The following MGAM2 variants were observed in gnomAD, a reference collection of about 807,000 sequenced individuals.
The protein encoded by MGAM2 is probable maltase-glucoamylase 2.
Under a neutral mutation model 96.1 loss-of-function variants are expected in MGAM2, and 98 were observed. That is an observed-to-expected ratio of 1.02 (90% confidence interval 0.87 to 1.21). The LOEUF is 1.21. Ranked by LOEUF, MGAM2 falls within the 50% of genes most tolerant of loss-of-function variation. The probability of loss-of-function intolerance (pLI) is 0.00; values close to 1 mark genes in which losing one functional copy is unlikely to be tolerated. For synonymous variants in MGAM2, 749 were observed against 414.8 expected, an observed-to-expected ratio of 1.81 and a Z score of -9.79; for missense variants, 2,055 against 1,182.4, an observed-to-expected ratio of 1.74 and a Z score of -10.82.
chr7:142,171,630 AT>A (rs1430682075), intron 28 of MGAM2, among the ~76,000 whole-genome samples, 190 bp downstream of exon 28: 2 of 78,262 alleles, frequency 2.6e-5, no homozygotes, highest in African/African-American at 5.4e-5. Flanking sequence ...ATATATATAT[AT>A]ATATATATAT....
chr7:142,217,388 G>A (rs973594807), intron 46 of MGAM2, among the ~76,000 whole-genome samples: 1 of 152,094 alleles, frequency 6.6e-6, no homozygotes, highest in South Asian at 2.1e-4. Context: ...TGTCGCTTTG[G>A]ACTACTCACT....
intron 10 of MGAM2, among the ~76,000 whole-genome samples, chr7:142,140,232 C>A (rs1795181264): frequency 6.6e-6 from 1 of 152,130 alleles, no homozygotes; most frequent in Non-Finnish European, 1.5e-5. Flanking sequence ...CTGAACTCCC[C>A]TACATTTCAA....
chr7:142,209,499 T>C (rs918622263), intron 46 of MGAM2, among the ~76,000 whole-genome samples: 1 of 152,212 alleles, frequency 6.6e-6, no homozygotes, highest in East Asian at 1.9e-4. Context: ...TTAATTAGAG[T>C]ATGAGGAGAA....
intron 45 of MGAM2, among the ~76,000 whole-genome samples, chr7:142,208,026 G>T (rs1031512443): frequency 6.6e-6 from 1 of 152,106 alleles, no homozygotes; most frequent in African/African-American, 2.4e-5. Context: ...AGCACTTATT[G>T]TGCACAAGCC....
chr7:142,191,327 C>T (rs1452348132), intron 37 of MGAM2, among the ~76,000 whole-genome samples: 5 of 152,110 alleles, frequency 3.3e-5, no homozygotes, highest in Admixed American at 3.3e-4. Context: ...TCATTTGTCA[C>T]TTGTGCTTTT....
chr7:142,201,851 T>G (rs1449533568), intron 45 of MGAM2, among the ~76,000 whole-genome samples: 5 of 152,148 alleles, frequency 3.3e-5, no homozygotes, highest in African/African-American at 1.2e-4. Flanking sequence ...ATAACTTACA[T>G]TCAAATAATA....
intron 32 of MGAM2, among the ~76,000 whole-genome samples, chr7:142,176,970 CTTAT>C (rs1796398222): frequency 1.3e-5 from 2 of 152,020 alleles, no homozygotes; most frequent in Non-Finnish European, 2.9e-5. Context: ...TTTTTAACAT[CTTAT>C]TTATTTGTTT....
Position 142,178,946 on chromosome 7 carries a change from A to C in MGAM2, c.3816+3166A>C, listed in dbSNP as rs80122270. 3.2e-3 allele frequency among the ~76,000 whole-genome samples: 486 copies of C among 152,014 alleles called. 10 individuals are homozygous for C. The South Asian group carries it at 0.054, about 17-fold the overall frequency. On this transcript the variant is annotated intron_variant, in intron 32 of 47. Coordinates refer to ENST00000477922, the MANE Select transcript of MGAM2 (RefSeq NM_001293626.2). ...TTTGTGTCATCTCTGATTTCCTTCA[A>C]CAGTGTTTTGCACTTCTTGTAAAGT...
chr7:142,162,891 A>G (rs899437466), intron 23 of MGAM2, among the ~76,000 whole-genome samples: 2 of 151,898 alleles, frequency 1.3e-5, no homozygotes, highest in Non-Finnish European at 2.9e-5. Flanking sequence ...AGAATATTTC[A>G]TTAGCACAAA....
intron 45 of MGAM2, among the ~76,000 whole-genome samples, chr7:142,205,180 G>A (rs1394464893): frequency 6.6e-6 from 1 of 152,114 alleles, no homozygotes; most frequent in Non-Finnish European, 1.5e-5. Context: ...ATCATGACAA[G>A]TGCTTGGTAT....
chr7:142,134,544 C>T (rs964177971), intron 7 of MGAM2, among the ~76,000 whole-genome samples: 1 of 152,106 alleles, frequency 6.6e-6, no homozygotes, highest in Non-Finnish European at 1.5e-5. Context: ...CTTTTGACAG[C>T]TTTCATACTG....
chr7:142,204,721 AC>A (rs370675765), intron 45 of MGAM2, among the ~76,000 whole-genome samples: 33 of 152,236 alleles, frequency 2.2e-4, no homozygotes, highest in African/African-American at 7.7e-4. Flanking sequence ...TCTATTCTAA[AC>A]ATTTAATATG....
rs747301452 is a variant in MGAM2 at position 142,157,893 on chromosome 7, A to G, written c.1924-44A>G. ...CTTATTGTAAGAGAACTTCTGAACTATGATGGAAAGAAATATTCAGCCATT... is the reference window on the plus strand; with the variant it reads ...CTTATTGTAAGAGAACTTCTGAACTGTGATGGAAAGAAATATTCAGCCATT... On this transcript the variant is annotated intron_variant, in intron 17 of 47. Coordinates refer to ENST00000477922, the MANE Select transcript of MGAM2 (RefSeq NM_001293626.2). The G allele has an allele frequency of 7.7e-5, 54 of 697,836 alleles. 1 individual carries two copies. The Middle Eastern group carries it at 6.7e-3, about 86-fold the overall frequency. The allele number at this position is 697,836 out of a possible 1,614,324, so 43.2% of individuals were successfully genotyped here.
Position 142,143,880 on chromosome 7 carries a change from A to AT in MGAM2, c.1431dup (p.Glu478Ter). ...TCATCTGGAGTTTGATGGAGTGTGG[A>AT]TTGTAAGTTATTATTCCTGACTCAA... On this transcript the variant is annotated frameshift_variant and splice_region_variant, in exon 13 of 48. Coordinates refer to ENST00000477922, the MANE Select transcript of MGAM2 (RefSeq NM_001293626.2). LOFTEE classifies it high-confidence loss of function. The AT allele has an allele frequency of 1.4e-6, 1 of 702,690 alleles. No homozygotes were observed. 43.5% of individuals were successfully genotyped at this position (702,690 alleles called of 1,614,324 possible).
intron 32 of MGAM2, among the ~76,000 whole-genome samples, chr7:142,179,638 T>A (rs547277511): frequency 6.6e-6 from 1 of 152,354 alleles, no homozygotes; most frequent in Admixed American, 6.5e-5. Flanking sequence ...TTTAATTCTG[T>A]TTATATGGCG....
intron 42 of MGAM2, among the ~76,000 whole-genome samples, 179 bp from the exon 43 acceptor site, chr7:142,197,960 T>TA (rs962645605): frequency 1.5e-5 from 1 of 65,598 alleles, no homozygotes; most frequent in African/African-American, 8.1e-5. Context: ...TTTTTAAAAA[T>TA]AGTTTTTTCT....
intron 33 of MGAM2, among the ~76,000 whole-genome samples, chr7:142,184,769 G>T (rs1194287599): frequency 1.3e-5 from 2 of 152,110 alleles, no homozygotes; most frequent in East Asian, 1.9e-4. Flanking sequence ...TTTGTTATAG[G>T]TCTGTGACAA....
intron 45 of MGAM2, among the ~76,000 whole-genome samples, chr7:142,201,486 T>C (rs2129101978): frequency 6.6e-6 from 1 of 152,322 alleles, no homozygotes; most frequent in African/African-American, 2.4e-5. Context: ...TTGTGATTTA[T>C]ACAAATAAAA....
chr7:142,185,973 T>C lies in MGAM2; in HGVS notation c.3988-16T>C. 1.4e-6 allele frequency: 1 copy of C among 702,576 alleles called. No individual in the cohort carries two copies. The highest frequency in any genetic ancestry group is 1.5e-5 in the South Asian group (1 of 67,520). 43.5% of individuals were successfully genotyped at this position (702,576 alleles called of 1,614,324 possible). On this transcript the variant is annotated splice_polypyrimidine_tract_variant and intron_variant, in intron 34 of 47. Transcript: ENST00000477922. ...GGCTGAGACCCCGACAATGAGAGTG[T>C]GTGTTATTCTTACAGCTTTACAGGG...
Sources: gnomAD v4.1 joint callset for allele counts (sites outside exome capture counted in the v4.1 genomes callset) on GRCh38, gnomAD v4.1.1 for gene constraint, MANE v1.5 for transcripts, NCBI Gene and HGNC (gene_info 2026-07-23, HGNC 2026-07-21) for gene names.